Variants in DPP6 observed in about 807,000 individuals in gnomAD.
DPP6 encodes dipeptidyl peptidase like 6.
A neutral mutation model predicts 122.6 loss-of-function variants in DPP6; 69 were observed. The ratio of observed to expected loss-of-function variants is 0.56; its 90% confidence interval spans 0.46 to 0.69. The LOEUF (loss-of-function observed/expected upper bound fraction) is 0.69. Among genes scored for constraint, DPP6 ranks in the 30% least tolerant of loss-of-function variants. The pLI, the probability that DPP6 is intolerant of heterozygous loss-of-function variation, is 0.00. For synonymous variants in DPP6, 418 were observed against 433.1 expected (o/e 0.97, Z 0.43); for missense variants, 928 against 1,116.9 (o/e 0.83, Z 2.41).
At chr7:154,677,687 T>C (rs1335917388) in intron 7 of DPP6, among the ~76,000 whole-genome samples, 1 of 152,114 alleles carries the variant, frequency 6.6e-6, no homozygotes, top group Non-Finnish European at 1.5e-5. Flanking sequence ...CAGATTTCAG[T>C]GTGACAGGGA....
At chr7:154,532,257 G>A (rs1827894767) in intron 3 of DPP6, among the ~76,000 whole-genome samples, 1 of 152,022 alleles carries the variant, frequency 6.6e-6, no homozygotes, top group Non-Finnish European at 1.5e-5. Flanking sequence ...GGGCATATGA[G>A]ACATTTGAGG....
chr7:153,867,967 A>G, the DPP6 span, among the ~76,000 whole-genome samples: 14 of 152,252 alleles, frequency 9.2e-5, no homozygotes, highest in East Asian at 2.7e-3. Context: ...TGATTTTCGT[A>G]TGTTGAACCA....
intron 1 of DPP6, among the ~76,000 whole-genome samples, chr7:153,899,724 T>C (rs1452493088): frequency 6.6e-6 from 1 of 152,184 alleles, no homozygotes; most frequent in East Asian, 1.9e-4. Context: ...TTAATTAAAA[T>C]TGAGAGCACT....
chr7:154,404,979 A>G (rs1815952784), intron 1 of DPP6, among the ~76,000 whole-genome samples: 1 of 152,256 alleles, frequency 6.6e-6, no homozygotes, highest in South Asian at 2.1e-4. Flanking sequence ...TAGTAATAAT[A>G]ACAAATGTGT....
At chr7:154,023,324 A>ACG in intron 1 of DPP6, among the ~76,000 whole-genome samples, 1 of 114,666 alleles carries the variant, frequency 8.7e-6, no homozygotes, top group Admixed American at 8.6e-5. Flanking sequence ...GTCTGCACAC[A>ACG]CACACACACA....
chr7:153,863,601 G>A, the DPP6 span, among the ~76,000 whole-genome samples: 5 of 152,054 alleles, frequency 3.3e-5, no homozygotes, highest in South Asian at 2.1e-4. Context: ...AAATAAATAC[G>A]ACGTGGAAAT....
chr7:154,435,941 T>C (rs1415028868), intron 1 of DPP6, among the ~76,000 whole-genome samples: 2 of 152,202 alleles, frequency 1.3e-5, no homozygotes, highest in African/African-American at 4.8e-5. Context: ...TTATAGTAGC[T>C]GTGTGAATAT....
chr7:154,672,554 C>T (rs975681596), intron 7 of DPP6, among the ~76,000 whole-genome samples: 6 of 152,162 alleles, frequency 3.9e-5, no homozygotes, highest in Non-Finnish European at 5.9e-5. Flanking sequence ...TAGGACAGTA[C>T]TAGAGGTGAC....
intron 16 of DPP6, among the ~76,000 whole-genome samples, chr7:154,850,137 C>A (rs1802256864): frequency 6.6e-6 from 1 of 152,154 alleles, no homozygotes; most frequent in Non-Finnish European, 1.5e-5. Flanking sequence ...GTGCACCCAT[C>A]ACCCAAGCAG....
At chr7:154,061,461 T>C (rs369917742) in intron 1 of DPP6, among the ~76,000 whole-genome samples, 3 of 146,960 alleles carry the variant, frequency 2.0e-5, no homozygotes, top group Non-Finnish European at 3.0e-5. Context: ...TGCTAAAGGA[T>C]GGCCCCCCTA....
intron 2 of DPP6, among the ~76,000 whole-genome samples, chr7:154,452,434 G>A (rs940987711): frequency 2.0e-5 from 3 of 152,160 alleles, no homozygotes; most frequent in African/African-American, 4.8e-5. Context: ...AGTCGTAACC[G>A]TCACACTTCG....
At chr7:154,568,987 G>A (rs183993003) in intron 5 of DPP6, among the ~76,000 whole-genome samples, 1 of 152,198 alleles carries the variant, frequency 6.6e-6, no homozygotes, top group East Asian at 1.9e-4. Flanking sequence ...AAAATTATAA[G>A]GGAAATTATA....
chr7:153,796,219 AATG>A, the DPP6 span, among the ~76,000 whole-genome samples: 1 of 106,418 alleles, frequency 9.4e-6, no homozygotes, highest in African/African-American at 3.5e-5. Context: ...CTATAGCTAT[AATG>A]ATAGATTTTT....
the DPP6 span, among the ~76,000 whole-genome samples, chr7:153,840,279 G>A: frequency 6.6e-6 from 1 of 152,084 alleles, no homozygotes; most frequent in Admixed American, 6.5e-5. Context: ...GCAACTCTCA[G>A]TCCAGGAAAG....
chr7:153,966,311 G>C lies in DPP6; in HGVS notation c.51+78577G>C, dbSNP rs1343457816. ...TTCATGTTTGTGCATGTGTTCATGT[G>C]TGTGTAAATGGGCCTGGTGTTTGTG... On this transcript the variant is annotated intron_variant, in intron 1 of 25. Transcript: ENST00000404039. Among the ~76,000 whole-genome samples the C allele has an allele frequency of 1.3e-5, 2 of 151,322 alleles. 1 individual carries two copies. The highest frequency in any genetic ancestry group is 4.9e-5 in the African/African-American group (2 of 40,918).
intron 1 of DPP6, among the ~76,000 whole-genome samples, chr7:154,427,848 A>G (rs1818041013): frequency 6.6e-6 from 1 of 152,196 alleles, no homozygotes; most frequent in South Asian, 2.1e-4. Flanking sequence ...AAGGGTAGCT[A>G]ATTATTTTCA....
At chr7:154,676,008 C>T (rs1177451092) in intron 7 of DPP6, among the ~76,000 whole-genome samples, 1 of 152,246 alleles carries the variant, frequency 6.6e-6, no homozygotes, top group African/African-American at 2.4e-5. Flanking sequence ...GAGGCCAATC[C>T]AGCTCTGAGA....
At chr7:154,615,136 G>A (rs527370467) in intron 5 of DPP6, among the ~76,000 whole-genome samples, 132 of 152,312 alleles carry the variant, frequency 8.7e-4, no homozygotes, top group African/African-American at 3.0e-3. Flanking sequence ...TCAAAAGGCC[G>A]TGGTTCTTGC....
At chr7:154,689,625 G>A (rs1839826689) in intron 7 of DPP6, among the ~76,000 whole-genome samples, 1 of 152,092 alleles carries the variant, frequency 6.6e-6, no homozygotes, top group Non-Finnish European at 1.5e-5. Context: ...TACACTGTGG[G>A]ACATTATTGA....
Sources: gnomAD v4.1 joint callset for allele counts (sites outside exome capture counted in the v4.1 genomes callset) on GRCh38, gnomAD v4.1.1 for gene constraint, MANE v1.5 for transcripts, NCBI Gene and HGNC (gene_info 2026-07-23, HGNC 2026-07-21) for gene names.